The following FAM135A variants were observed in gnomAD, a reference collection of about 807,000 sequenced individuals.
The protein encoded by FAM135A is family with sequence similarity 135 member A, also known as protein FAM135A.
A neutral mutation model predicts 146.8 loss-of-function variants in FAM135A; 79 were observed. The observed-to-expected ratio is 0.54, with a 90% CI of 0.45 to 0.65. The LOEUF (loss-of-function observed/expected upper bound fraction) is 0.65. Among genes scored for constraint, FAM135A ranks in the 30% least tolerant of loss-of-function variants. FAM135A has a pLI of 0.00. For synonymous variants in FAM135A, 562 were observed against 603.6 expected (o/e 0.93, Z 1.01); for missense variants, 1,623 against 1,758.2 (o/e 0.92, Z 1.38).
intron 12 of FAM135A, among the ~76,000 whole-genome samples, chr6:70,506,441 G>A (rs1323480501): frequency 1.3e-5 from 2 of 152,122 alleles, no homozygotes; most frequent in East Asian, 3.9e-4. Flanking sequence ...ACTCAACTCT[G>A]TTATAACATG....
chr6:70,544,912 G>A (rs1338843257), intron 20 of FAM135A, among the ~76,000 whole-genome samples: 3 of 151,704 alleles, frequency 2.0e-5, no homozygotes, highest in East Asian at 2.0e-4. Context: ...TTAGCCAGGC[G>A]TGGTGGCGGG....
intron 12 of FAM135A, among the ~76,000 whole-genome samples, chr6:70,518,962 C>CT (rs2128323001): frequency 6.6e-6 from 1 of 152,300 alleles, no homozygotes; most frequent in South Asian, 2.1e-4. Context: ...ACTTTCAAAC[C>CT]TTATTACTTA....
At chr6:70,437,034 G>A (rs1488298857) in intron 4 of FAM135A, among the ~76,000 whole-genome samples, 5 of 152,098 alleles carry the variant, frequency 3.3e-5, no homozygotes, top group Non-Finnish European at 7.4e-5. Context: ...AAACCTCAAT[G>A]GGGAAAGAAA....
At chr6:70,422,939 G>T (rs566789250) in intron 2 of FAM135A, among the ~76,000 whole-genome samples, 1 of 152,264 alleles carries the variant, frequency 6.6e-6, no homozygotes, top group East Asian at 1.9e-4. Flanking sequence ...TGTTAGGTGG[G>T]GATAGGTGCT....
chr6:70,524,133 C>A lies in FAM135A; in HGVS notation c.1258+12C>A. The stretch of plus-strand genomic sequence containing the variant: ...TTCAGTTACTGAAGGTAAGTGTAAT[C>A]TAACTAAAATATACAAGCTATGTGT... On this transcript the variant is annotated intron_variant, in intron 14 of 21. Coordinates refer to ENST00000418814, the MANE Select transcript of FAM135A (RefSeq NM_001162529.3). 6.3e-7 allele frequency: 1 copy of A among 1,599,710 alleles called. No individual in the cohort carries two copies. Among genetic ancestry groups the A allele is most frequent in the South Asian group, 1.1e-5 (1 of 89,674 alleles).
In FAM135A at chr6:70,529,214, A is replaced by G. The variant is rs529011646; in HGVS notation, c.3775+762A>G. ...AAGTTATAAAAATTAAATTATAAAT[A>G]CAGGTACCTGGCTTTAGTGCTGGGG... On this transcript the variant is annotated intron_variant, in intron 16 of 21. Coordinates refer to ENST00000418814, the MANE Select transcript of FAM135A (RefSeq NM_001162529.3). Among the ~76,000 whole-genome samples, 5 of 152,154 alleles carry G rather than the reference A, an allele frequency of 3.3e-5. 1 individual carries two copies. In the South Asian group the frequency reaches 8.3e-4, roughly 25 times the overall value.
At chr6:70,489,913 C>T (rs1785543946) in intron 10 of FAM135A, among the ~76,000 whole-genome samples, 1 of 152,088 alleles carries the variant, frequency 6.6e-6, no homozygotes, top group Admixed American at 6.6e-5. Context: ...CCAGGTATAA[C>T]CAATATAGCC....
chr6:70,466,141 T>C (rs564573808), intron 5 of FAM135A, among the ~76,000 whole-genome samples: 61 of 152,328 alleles, frequency 4.0e-4, no homozygotes, highest in South Asian at 1.2e-3. Flanking sequence ...AGCAGCTATA[T>C]AGTGAATGTG....
At chr6:70,523,459 A>G (rs542476671) in intron 13 of FAM135A, among the ~76,000 whole-genome samples, 4 of 152,168 alleles carry the variant, frequency 2.6e-5, no homozygotes, top group African/African-American at 7.2e-5. Context: ...GAAATTTTCC[A>G]TAAGACAGGG....
intron 12 of FAM135A, among the ~76,000 whole-genome samples, chr6:70,515,787 G>T (rs910156506): frequency 2.0e-5 from 3 of 152,038 alleles, no homozygotes; most frequent in Non-Finnish European, 4.4e-5. Context: ...TGGTTCATCA[G>T]TTGAAACAAA....
chr6:70,417,880 A>G (rs942622207), intron 2 of FAM135A, among the ~76,000 whole-genome samples: 1 of 152,208 alleles, frequency 6.6e-6, no homozygotes, highest in African/African-American at 2.4e-5. Flanking sequence ...CAGGTTTACT[A>G]TATTTGGTAT....
intron 2 of FAM135A, among the ~76,000 whole-genome samples, chr6:70,420,020 G>A (rs1226904425): frequency 6.6e-6 from 1 of 151,942 alleles, no homozygotes; most frequent in Non-Finnish European, 1.5e-5. Context: ...GTATCTTTTG[G>A]GCATCATTAT....
In FAM135A at chr6:70,482,238, T is replaced by G. The variant is rs551439005; in HGVS notation, c.823+84T>G. ...TTGCTAGCTATCAGCTTTGCCATAG[T>G]TTTTCTATACTAAAACTACAGTGTT... On this transcript the variant is annotated intron_variant, in intron 10 of 21. Coordinates refer to ENST00000418814, the MANE Select transcript of FAM135A (RefSeq NM_001162529.3). 1.9e-5 allele frequency: 26 copies of G among 1,384,382 alleles called. No individual in the cohort carries two copies. In the South Asian group the frequency reaches 3.7e-4, roughly 19 times the overall value. The allele number at this position is 1,384,382 out of a possible 1,614,324, so 85.8% of individuals were successfully genotyped here.
intron 4 of FAM135A, among the ~76,000 whole-genome samples, chr6:70,450,517 A>C (rs1329381850): frequency 6.6e-6 from 1 of 151,996 alleles, no homozygotes; most frequent in Non-Finnish European, 1.5e-5. Flanking sequence ...CATTTATTGA[A>C]GAAACTGTCC....
At chr6:70,446,580 GA>G (rs1415924912) in intron 4 of FAM135A, among the ~76,000 whole-genome samples, 1 of 152,166 alleles carries the variant, frequency 6.6e-6, no homozygotes, top group Non-Finnish European at 1.5e-5. Flanking sequence ...AAAGATTTTT[GA>G]GGGTGGAATG....
chr6:70,466,394 T>C (rs1780486752), intron 5 of FAM135A, among the ~76,000 whole-genome samples: 1 of 152,130 alleles, frequency 6.6e-6, no homozygotes, highest in South Asian at 2.1e-4. Flanking sequence ...AATATCTGGT[T>C]GAGTTTGAAA....
chr6:70,511,476 G>A lies in FAM135A; in HGVS notation c.1029+8685G>A, dbSNP rs367727724. Among the ~76,000 whole-genome samples the A allele has an allele frequency of 9.9e-5, 15 of 151,904 alleles. No homozygotes were observed. The East Asian group carries it at 2.5e-3, about 25-fold the overall frequency. ...TACATGCAATGGAAAAAATCCACATGGTAAGGGGGAGAGAAAAGGATTTCT... is the reference window on the plus strand; with the variant it reads ...TACATGCAATGGAAAAAATCCACATAGTAAGGGGGAGAGAAAAGGATTTCT... On this transcript the variant is annotated intron_variant, in intron 12 of 21. Transcript: ENST00000418814.
chr6:70,510,222 A>C (rs553444949), intron 12 of FAM135A, among the ~76,000 whole-genome samples: 1 of 148,434 alleles, frequency 6.7e-6, no homozygotes, highest in African/African-American at 2.5e-5. Context: ...CATGATATAT[A>C]TAGGTAACTG....
chr6:70,441,841 C>T (rs898218354), intron 4 of FAM135A, among the ~76,000 whole-genome samples: 7 of 151,910 alleles, frequency 4.6e-5, no homozygotes, highest in East Asian at 1.9e-4. Flanking sequence ...CCCACAACCA[C>T]GCCTGGCTAA....
Sources: gnomAD v4.1 joint callset for allele counts (sites outside exome capture counted in the v4.1 genomes callset) on GRCh38, gnomAD v4.1.1 for gene constraint, MANE v1.5 for transcripts, NCBI Gene and HGNC (gene_info 2026-07-23, HGNC 2026-07-21) for gene names.